Variants in VPS54 observed in about 807,000 individuals in gnomAD.
VPS54 encodes VPS54 subunit of GARP complex, also known as vacuolar protein sorting-associated protein 54.
In VPS54, 45 loss-of-function variants were observed where a neutral mutation model predicts 121.5. The ratio of observed to expected loss-of-function variants is 0.37; its 90% CI spans 0.29 to 0.47. The LOEUF (loss-of-function observed/expected upper bound fraction) is 0.47. Among genes scored for constraint, VPS54 ranks in the 20% least tolerant of loss-of-function variants. VPS54 has a pLI of 0.99. For missense variants in VPS54, 1,090 were observed against 1,131.4 expected (o/e 0.96, Z 0.52); for synonymous variants, 371 against 385.8 (o/e 0.96, Z 0.45).
intron 14 of VPS54, 73 bp downstream of exon 14, chr2:63,920,373 T>C: frequency 1.5e-6 from 2 of 1,323,862 alleles, no homozygotes; most frequent in South Asian, 2.5e-5. Flanking sequence ...TTAGGTTTCC[T>C]CTTTTAAACA....
At chr2:63,909,724 G>GATTTTT (rs1673059093) in intron 20 of VPS54, among the ~76,000 whole-genome samples, 1 of 102,088 alleles carries the variant, frequency 9.8e-6, no homozygotes, top group Admixed American at 1.0e-4. Context: ...GGCCGTTTTT[G>GATTTTT]GTTTTTTTTT....
intron 1 of VPS54, among the ~76,000 whole-genome samples, chr2:63,993,792 C>T (rs1054721742): frequency 6.6e-6 from 1 of 152,108 alleles, no homozygotes; most frequent in African/African-American, 2.4e-5. Flanking sequence ...AAAGATCAGC[C>T]CATTCCTGAG....
At chr2:63,992,177 T>C (rs6716322) in intron 1 of VPS54, among the ~76,000 whole-genome samples, 119,309 of 152,174 alleles carry the variant, frequency 0.78, 48,203 homozygotes, top group African/African-American at 0.91. Context: ...TACTTAATAT[T>C]GTTTTAAACA....
intron 1 of VPS54, among the ~76,000 whole-genome samples, chr2:64,018,261 T>C (rs1195936637): frequency 6.6e-6 from 1 of 152,200 alleles, no homozygotes; most frequent in African/African-American, 2.4e-5. Context: ...AAATTTTTTT[T>C]TGAAACGCCT....
intron 1 of VPS54, among the ~76,000 whole-genome samples, chr2:63,994,344 T>C (rs1044265512): frequency 1.3e-5 from 2 of 152,210 alleles, no homozygotes; most frequent in African/African-American, 4.8e-5. Flanking sequence ...CTCACCAGTT[T>C]CCTTTCACAC....
intron 1 of VPS54, among the ~76,000 whole-genome samples, chr2:64,007,456 T>C (rs1379907174): frequency 3.3e-5 from 5 of 152,230 alleles, no homozygotes; most frequent in Admixed American, 6.5e-5. Context: ...TTCTACTTCA[T>C]ATATAAATCC....
intron 1 of VPS54, among the ~76,000 whole-genome samples, chr2:64,009,638 A>G (rs1678334531): frequency 6.6e-6 from 1 of 151,842 alleles, no homozygotes; most frequent in Admixed American, 6.6e-5. Context: ...AGTGTAATTT[A>G]CTGCATTTTT....
intron 5 of VPS54, among the ~76,000 whole-genome samples, chr2:63,968,708 G>A (rs1676127835): frequency 1.3e-5 from 2 of 151,934 alleles, no homozygotes; most frequent in South Asian, 4.1e-4. Context: ...GACGGGGCAA[G>A]ATTCTGTCTA....
chr2:64,017,021 TAAAAAA>T (rs777168254), intron 1 of VPS54, among the ~76,000 whole-genome samples: 208 of 100,384 alleles, frequency 2.1e-3, no homozygotes, highest in African/African-American at 7.1e-3. Flanking sequence ...TTTTGTTGAT[TAAAAAA>T]AAAAAAAAAA....
At chr2:63,910,542 T>C (rs1673104330) in intron 20 of VPS54, among the ~76,000 whole-genome samples, 1 of 152,180 alleles carries the variant, frequency 6.6e-6, no homozygotes, top group Non-Finnish European at 1.5e-5. Context: ...ATTATCAATT[T>C]TGTTAGGTGT....
chr2:63,959,293 T>G (rs1001465155), intron 7 of VPS54, among the ~76,000 whole-genome samples: 1 of 152,132 alleles, frequency 6.6e-6, no homozygotes, highest in Non-Finnish European at 1.5e-5. Flanking sequence ...TAATAACAAG[T>G]CTTAAACTAC....
chr2:63,938,059 G>GGTGTGTGTGTGTGTGTGTGTGT (rs1553475195), intron 11 of VPS54, among the ~76,000 whole-genome samples: 122 of 140,478 alleles, frequency 8.7e-4, no homozygotes, highest in African/African-American at 3.1e-3. Context: ...TGGTGTGTGT[G>GGTGTGTGTGTGTGTGTGTGTGT]GTGTGTGTGT....
chr2:63,900,629 AT>A (rs1201361755), intron 20 of VPS54, among the ~76,000 whole-genome samples: 1 of 152,212 alleles, frequency 6.6e-6, no homozygotes, highest in Non-Finnish European at 1.5e-5. Context: ...CAAGTGAAGG[AT>A]ATTTACATAA....
intron 3 of VPS54, among the ~76,000 whole-genome samples, chr2:63,979,382 G>C (rs1222526752): frequency 2.0e-5 from 3 of 151,888 alleles, no homozygotes; most frequent in Non-Finnish European, 4.4e-5. Flanking sequence ...TGGGATTACA[G>C]GCACCTGCCA....
intron 18 of VPS54, 109 bp from the exon 19 acceptor site, chr2:63,912,770 A>G (rs1450137712): frequency 7.4e-7 from 1 of 1,343,226 alleles, no homozygotes; most frequent in African/African-American, 1.6e-5. Context: ...ATAAAGAACC[A>G]GTTTATTTCA....
intron 11 of VPS54, among the ~76,000 whole-genome samples, chr2:63,938,517 T>G (rs903279262): frequency 6.6e-6 from 1 of 151,710 alleles, no homozygotes; most frequent in African/African-American, 2.4e-5. Context: ...CAAGCTGGAG[T>G]GCAGTGGCAC....
intron 3 of VPS54, among the ~76,000 whole-genome samples, chr2:63,978,578 A>T (rs1676655080): frequency 6.6e-6 from 1 of 152,154 alleles, no homozygotes; most frequent in South Asian, 2.1e-4. Context: ...ATTTAACTAT[A>T]CATCAGTGTA....
chr2:63,987,336 T>C (rs1677099266), intron 1 of VPS54, among the ~76,000 whole-genome samples: 1 of 152,216 alleles, frequency 6.6e-6, no homozygotes, highest in Non-Finnish European at 1.5e-5. Context: ...CCCAAGATTG[T>C]CCTTTGTTAA....
intron 4 of VPS54, among the ~76,000 whole-genome samples, chr2:63,970,382 T>G (rs1376635178): frequency 6.9e-6 from 1 of 144,884 alleles, no homozygotes; most frequent in Non-Finnish European, 1.5e-5. Context: ...CTCTCAGGGA[T>G]AGTCAAATGC....
Sources: allele counts gnomAD v4.1 joint callset (sites outside exome capture counted in the v4.1 genomes callset), GRCh38; gene constraint gnomAD v4.1.1; transcripts MANE v1.5; gene names NCBI Gene and HGNC (gene_info 2026-07-23, HGNC 2026-07-21).